The following PPRC1 variants were observed in gnomAD, a reference collection of about 807,000 sequenced individuals.
PPRC1 encodes PPARG related coactivator 1.
PPRC1 carries 23 observed loss-of-function variants against 132.5 expected under a neutral mutation model. The ratio of observed to expected loss-of-function variants is 0.17; its 90% confidence interval spans 0.12 to 0.25. The LOEUF (loss-of-function observed/expected upper bound fraction) is 0.25. Ranked by LOEUF, PPRC1 falls within the 10% of genes least tolerant of loss-of-function variation. The probability of loss-of-function intolerance (pLI) is 1.00; values close to 1 mark genes in which losing one functional copy is unlikely to be tolerated. For synonymous variants in PPRC1, 872 were observed against 833.5 expected (o/e 1.05, Z -0.80); for missense variants, 2,006 against 2,089.1 (o/e 0.96, Z 0.78).
intron 8 of PPRC1, among the ~76,000 whole-genome samples, chr10:102,145,303 G>A (rs957164973): frequency 2.4e-4 from 36 of 151,624 alleles, no homozygotes; most frequent in African/African-American, 7.7e-4. Flanking sequence ...GCAGTGGCTC[G>A]CGCCTGTAAT....
chr10:102,134,140 G>C (rs899176923), intron 1 of PPRC1, among the ~76,000 whole-genome samples: 1 of 152,030 alleles, frequency 6.6e-6, no homozygotes, highest in Non-Finnish European at 1.5e-5. Context: ...AGGGGTATGG[G>C]GAGTGTCAAC....
At position 102,141,125 on chromosome 10, in the gene PPRC1, C is replaced by T; in HGVS notation, c.2617C>T (p.Pro873Ser). Residue 873 changes from proline (P) to serine (S), a missense_variant, in exon 5 of 14, where the codon CCC (proline) becomes TCC (serine). Physicochemically the swap from Pro to Ser is moderately conservative, Grantham distance 74. Transcript: ENST00000278070. ...TGTGTCCCCTGCTGTGCCCACACCT[C>T]CCTCGATGTCTGCTGCCCTGCCTTT... is the stretch of plus-strand genomic sequence containing the variant. Reference protein sequence around the residue: ...QSVSPAVPTPPSMSAALPFPA... With the variant: ...QSVSPAVPTPSSMSAALPFPA... 2 of 1,614,040 alleles carry T rather than the reference C, an allele frequency of 1.2e-6. No homozygotes were observed. Among genetic ancestry groups the T allele is most frequent in the Non-Finnish European group, 1.7e-6 (2 of 1,179,948 alleles).
chr10:102,149,369 C>A (rs778995650), intron 13 of PPRC1, 40 bp downstream of exon 13: 10 of 1,526,368 alleles, frequency 6.6e-6, no homozygotes, highest in Non-Finnish European at 8.8e-6. Flanking sequence ...AATGCTTCAT[C>A]CCCTCCCCAG....
At chr10:102,132,331 G>C (rs1454606646), upstream of PPRC1, among the ~76,000 whole-genome samples, 1 of 152,234 alleles carries the variant, frequency 6.6e-6, no homozygotes, top group Non-Finnish European at 1.5e-5. Flanking sequence ...ATGGACCGTA[G>C]AAACGCAGAG....
intron 5 of PPRC1, among the ~76,000 whole-genome samples, chr10:102,142,398 G>A (rs1435489333): frequency 1.1e-5 from 1 of 94,556 alleles, no homozygotes; most frequent in Admixed American, 1.5e-4. Flanking sequence ...GCTGCACCAT[G>A]CCTTTTTTTT....
At position 102,146,909 on chromosome 10, in the gene PPRC1, C is replaced by A. The variant is rs772748483; in HGVS notation, c.3917C>A (p.Pro1306Gln). 6.2e-7 allele frequency: 1 copy of A among 1,614,000 alleles called. No individual in the cohort carries two copies. Among genetic ancestry groups the A allele is most frequent in the South Asian group, 1.1e-5 (1 of 91,082 alleles). The change falls in exon 9 of 14, where the codon CCA (proline) becomes CAA (glutamine). Residue 1306 changes from proline (P) to glutamine (Q), a missense_variant. This residue lies in a region of PPRC1 where 1,914 missense variants were observed against 1,917.2 expected (regional missense o/e 1.00). Transcript: ENST00000278070. ...HDYCVRSRTP[P>Q]KKMPALVIPE... ...TATTGTGTCCGGAGCAGGACCCCCC[C>A]AAAAAAGATGCCTGCCCTAGTCATT...
At position 102,147,387 on chromosome 10, in the gene PPRC1, G is replaced by T; in HGVS notation, c.4395G>T (p.Trp1465Cys). The T allele has an allele frequency of 1.2e-6, 2 of 1,600,932 alleles. No individual in the cohort carries two copies. The highest frequency in any genetic ancestry group is 1.7e-6 in the Non-Finnish European group (2 of 1,175,992). ...CCCTCTCCCCCCCACACAAGAGGTGGCGAAGGTGAGCTTTGATGGCCCTGT... is the reference window on the plus strand; with the variant it reads ...CCCTCTCCCCCCCACACAAGAGGTGTCGAAGGTGAGCTTTGATGGCCCTGT... ...SRSLSPPHKR[W>C]RRSSCSSSGR... The change falls in exon 9 of 14, where the codon TGG becomes TGT. Residue 1465 changes from tryptophan to cysteine, a missense_variant. Trp to Cys is a radical substitution (Grantham distance 215, BLOSUM62 -2). Around this residue, in one of 2 missense-constraint regions of PPRC1, gnomAD observed 1,914 missense variants for 1,917.2 expected, o/e 1.00. Coordinates refer to ENST00000278070, the MANE Select transcript of PPRC1 (RefSeq NM_015062.5).
chr10:102,141,887 A>G lies in PPRC1; in HGVS notation c.3379A>G (p.Ser1127Gly), dbSNP rs749839332. The change falls in exon 5 of 14, where the codon AGC becomes GGC. Residue 1127 changes from serine to glycine, a missense_variant. Ser to Gly is a moderately conservative substitution (Grantham distance 56, BLOSUM62 0). Transcript: ENST00000278070. ...CAAGGCTGTTCCCACACCAAGGCAG[A>G]GCACTGTCCCCAAGCTGCCTGCTGT... ...ATKAVPTPRQSTVPKLPAVHP... is the reference protein window; with the variant it reads ...ATKAVPTPRQGTVPKLPAVHP... 6 of 1,614,176 alleles carry G rather than the reference A, an allele frequency of 3.7e-6. No individual in the cohort carries two copies. Among genetic ancestry groups the G allele is most frequent in the Non-Finnish European group, 3.4e-6 (4 of 1,180,038 alleles).
Position 102,133,075 on chromosome 10 carries a change from G to A in PPRC1, c.7G>A (p.Ala3Thr). 3.2e-6 allele frequency: 4 copies of A among 1,242,200 alleles called. No homozygotes were observed. The highest frequency in any genetic ancestry group is 4.0e-6 in the Non-Finnish European group (4 of 987,968). The allele number at this position is 1,242,200 out of a possible 1,614,324, so 76.9% of individuals were successfully genotyped here. A position where few individuals can be genotyped will look rare whatever the true frequency, so the allele number is the denominator to read the frequency against. MA[A>T]RRGRRDGVAP... ...TGGGTGTTCAGGGGCCAAGATGGCG[G>A]CGCGCCGGGGACGGAGAGACGGAGT... The change falls in exon 1 of 14, where the codon GCG becomes ACG. Residue 3 changes from alanine (A) to threonine (T), a missense_variant. Ala to Thr is a moderately conservative substitution (Grantham distance 58). This residue lies in a region of PPRC1 where 1,914 missense variants were observed against 1,917.2 expected (regional missense o/e 1.00). Coordinates refer to ENST00000278070, the MANE Select transcript of PPRC1 (RefSeq NM_015062.5).
At chr10:102,144,500 ATGTTCACTGCCC>A in intron 7 of PPRC1, 193 bp downstream of exon 7, 3 of 603,852 alleles carry the variant, frequency 5.0e-6, no homozygotes, top group Non-Finnish European at 2.9e-6. Flanking sequence ...AGAACGGGGC[ATGTTCACTGCCC>A]TCCAGCTGAT....
chr10:102,148,556 G>A lies in PPRC1; in HGVS notation c.4550+35G>A, dbSNP rs757905334. On this transcript the variant is annotated intron_variant, in intron 10 of 13. Transcript: ENST00000278070. The surrounding 1 kb of genome is among the most constrained non-coding windows in gnomAD (Gnocchi z 4.2). The stretch of plus-strand genomic sequence containing the variant: ...TGTTCAGGGAGCGCCATGCACCTGG[G>A]ATGCAGGTGCCTAAGAGTTGAGTCT... 40 of 1,610,584 alleles carry A rather than the reference G, an allele frequency of 2.5e-5. No individual in the cohort carries two copies. Among genetic ancestry groups the A allele is most frequent in the Middle Eastern group, 1.6e-4 (1 of 6,078 alleles).
At chr10:102,121,298 A>G in the PPRC1 span, among the ~76,000 whole-genome samples, 3 of 151,532 alleles carry the variant, frequency 2.0e-5, no homozygotes, top group African/African-American at 7.3e-5. Context: ...CAACCGCCCA[A>G]CCCCACCGCC....
upstream of PPRC1, among the ~76,000 whole-genome samples, chr10:102,131,925 T>C (rs2068549556): frequency 6.6e-6 from 1 of 152,250 alleles, no homozygotes. Context: ...CCCAAAGTGC[T>C]GGGACTACAA....
rs2069121717 is a variant in PPRC1 at position 102,144,236 on chromosome 10, T to C, written c.3551-14T>C. The C allele has an allele frequency of 1.2e-6, 2 of 1,614,090 alleles. No homozygotes were observed. Among genetic ancestry groups the C allele is most frequent in the Non-Finnish European group, 1.7e-6 (2 of 1,179,898 alleles). On this transcript the variant is annotated splice_polypyrimidine_tract_variant and intron_variant, in intron 6 of 13. Coordinates refer to ENST00000278070, the MANE Select transcript of PPRC1 (RefSeq NM_015062.5). ...CATCTGGTTGGGCTTTTAACTAGTATGGTTTCTTTGCAGCCAAAAAGGAGT... is the reference window on the plus strand; with the variant it reads ...CATCTGGTTGGGCTTTTAACTAGTACGGTTTCTTTGCAGCCAAAAAGGAGT...
rs769549979 is a variant in PPRC1 at position 102,141,099 on chromosome 10, C to A, written c.2591C>A (p.Ser864Tyr). 1 of 1,614,166 alleles carries A rather than the reference C, an allele frequency of 6.2e-7. No homozygotes were observed. Among genetic ancestry groups the A allele is most frequent in the East Asian group, 2.2e-5 (1 of 44,884 alleles). ...LLARPSPPVQ[S>Y]VSPAVPTPPS... ...GCGAGACCTTCCCCTCCTGTGCAGTCTGTGTCCCCTGCTGTGCCCACACCT... is the reference window on the plus strand; with the variant it reads ...GCGAGACCTTCCCCTCCTGTGCAGTATGTGTCCCCTGCTGTGCCCACACCT... The change falls in exon 5 of 14, where the codon TCT (serine) becomes TAT (tyrosine). Residue 864 changes from serine to tyrosine, a missense_variant. Ser to Tyr is a moderately radical substitution (Grantham distance 144). Around this residue, in one of 2 missense-constraint regions of PPRC1, gnomAD observed 1,914 missense variants for 1,917.2 expected, o/e 1.00. Coordinates refer to ENST00000278070, the MANE Select transcript of PPRC1 (RefSeq NM_015062.5).
At position 102,140,671 on chromosome 10, in the gene PPRC1, C is replaced by T. The variant is rs748230186; in HGVS notation, c.2163C>T (p.Thr721=). 7 of 1,614,076 alleles carry T rather than the reference C, an allele frequency of 4.3e-6. No individual in the cohort carries two copies. The highest frequency in any genetic ancestry group is 5.1e-6 in the Non-Finnish European group (6 of 1,180,014). The change falls in exon 5 of 14, where the codon ACC becomes ACT. Residue 721 remains threonine, a synonymous_variant. Transcript: ENST00000278070. ...VESESLDPPK[T]IIPEVKEVVD... ...CAGAGTCCTTGGACCCACCAAAGAC[C>T]ATCATCCCTGAAGTCAAAGAGGTTG...
Position 102,148,735 on chromosome 10 carries a change from C to T in PPRC1, c.4617+41C>T. 2 of 1,613,738 alleles carry T rather than the reference C, an allele frequency of 1.2e-6. No homozygotes were observed. Among genetic ancestry groups the T allele is most frequent in the African/African-American group, 1.3e-5 (1 of 75,038 alleles). On this transcript the variant is annotated intron_variant, in intron 11 of 13. Coordinates refer to ENST00000278070, the MANE Select transcript of PPRC1 (RefSeq NM_015062.5). This position sits in a 1 kb window ranked among gnomAD's most constrained non-coding sequence, Gnocchi z 4.2. ...GATCATGGGAGGATGGGGCTTACCC[C>T]CTGAGCCTTGAGCTCAGAGAGCTGC...
In PPRC1 at chr10:102,140,259, C is replaced by G; in HGVS notation, c.1751C>G (p.Pro584Arg). 2 of 1,614,246 alleles carry G rather than the reference C, an allele frequency of 1.2e-6. No individual in the cohort carries two copies. Among genetic ancestry groups the G allele is most frequent in the Non-Finnish European group, 1.7e-6 (2 of 1,180,048 alleles). ...LSLVDSAQASPMPVDSVEADP... is the reference protein window; with the variant it reads ...LSLVDSAQASRMPVDSVEADP... Reference sequence around the variant, plus strand: ...TTGGTCGACTCTGCCCAAGCCAGCCCCATGCCAGTTGACTCTGTTGAAGCT... The same window carrying G: ...TTGGTCGACTCTGCCCAAGCCAGCCGCATGCCAGTTGACTCTGTTGAAGCT... The change falls in exon 5 of 14, where the codon CCC becomes CGC. Residue 584 changes from proline to arginine, a missense_variant. By Grantham distance (103) the Pro-to-Arg change is moderately radical (BLOSUM62 -2). Around this residue, in one of 2 missense-constraint regions of PPRC1, gnomAD observed 1,914 missense variants for 1,917.2 expected, o/e 1.00. Coordinates refer to ENST00000278070, the MANE Select transcript of PPRC1 (RefSeq NM_015062.5).
intron 2 of PPRC1, 117 bp downstream of exon 2, chr10:102,138,155 A>T: frequency 2.8e-6 from 3 of 1,063,524 alleles, no homozygotes; most frequent in Non-Finnish European, 4.0e-6. Flanking sequence ...TGGGTGCCCA[A>T]CCTGAATCCT....
Sources: allele counts gnomAD v4.1 joint callset (sites outside exome capture counted in the v4.1 genomes callset), GRCh38; gene constraint gnomAD v4.1.1; regional missense constraint gnomAD v4.1.1; non-coding constraint Gnocchi (gnomAD v3.1); transcripts MANE v1.5; gene names NCBI Gene and HGNC (gene_info 2026-07-23, HGNC 2026-07-21).